Variants in SNX13 observed in about 807,000 individuals in gnomAD.
SNX13 encodes sorting nexin-13.
In SNX13, 45 loss-of-function variants were observed where a neutral mutation model predicts 133.6. The ratio of observed to expected loss-of-function variants is 0.34; its 90% CI spans 0.27 to 0.43. The LOEUF is 0.43. Among genes scored for constraint, SNX13 ranks in the 20% least tolerant of loss-of-function variants. The probability of loss-of-function intolerance (pLI) is 1.00; values close to 1 mark genes in which losing one functional copy is unlikely to be tolerated. For missense variants in SNX13, 1,032 were observed against 1,145.1 expected (o/e 0.90, Z 1.43); for synonymous variants, 414 against 373.9 (o/e 1.11, Z -1.24).
chr7:17,899,069 C>G (rs1214895627), intron 1 of SNX13: 1 of 152,172 alleles, frequency 6.6e-6, no homozygotes, highest in African/African-American at 2.4e-5. Context: ...GAATAAAGTA[C>G]AGAGACACTC....
intron 1 of SNX13, among the ~76,000 whole-genome samples, chr7:17,902,809 G>C (rs889118618): frequency 2.6e-5 from 4 of 152,142 alleles, no homozygotes; most frequent in Non-Finnish European, 4.4e-5. Flanking sequence ...AGCATGCCGC[G>C]AGCATTAGCA....
intron 5 of SNX13, among the ~76,000 whole-genome samples, 179 bp from the exon 6 acceptor site, chr7:17,875,969 C>T (rs984543880): frequency 2.0e-5 from 3 of 152,214 alleles, no homozygotes; most frequent in Non-Finnish European, 4.4e-5. Flanking sequence ...ATCAAATCTA[C>T]TTCACTAAGT....
At chr7:17,801,018 A>ATATATATATATATATG (rs1562652006) in intron 22 of SNX13, among the ~76,000 whole-genome samples, 3 of 11,738 alleles carry the variant, frequency 2.6e-4, no homozygotes, top group African/African-American at 6.4e-4. Context: ...ACATATATAT[A>ATATATATATATATATG]TATATATATA....
chr7:17,839,070 A>C (rs1789531321), intron 13 of SNX13, among the ~76,000 whole-genome samples: 1 of 149,794 alleles, frequency 6.7e-6, no homozygotes, highest in African/African-American at 2.4e-5. Context: ...ATTAGAATAC[A>C]TGTATGCTAT....
chr7:17,875,707 G>C lies in SNX13; in HGVS notation c.524C>G (p.Ala175Gly), dbSNP rs1794652857. Residue 175 changes from alanine (A) to glycine (G), a missense_variant, in exon 6 of 26, where the codon GCT (alanine) becomes GGT (glycine). Transcript: ENST00000428135. ...FGTHLRVFRK[A>G]QQKITEKDDQ... is the part of the protein sequence containing the mutation. ...ATCTTTCTCTGTTATTTTCTGTTGA[G>C]CCTTTCTGAATACTCGTAAGTGTGT... is the stretch of plus-strand genomic sequence containing the variant. 2 of 1,611,582 alleles carry C rather than the reference G, an allele frequency of 1.2e-6. No individual in the cohort carries two copies. The highest frequency in any genetic ancestry group is 2.2e-5 in the South Asian group (2 of 90,826).
intron 25 of SNX13, chr7:17,795,898 T>A (rs1477859704): frequency 6.6e-6 from 1 of 151,764 alleles, no homozygotes; most frequent in African/African-American, 2.4e-5. Flanking sequence ...TAGGTAAGAA[T>A]TAAAATTGTG....
intron 1 of SNX13, among the ~76,000 whole-genome samples, chr7:17,902,946 G>A (rs1267035600): frequency 6.6e-6 from 1 of 152,152 alleles, no homozygotes; most frequent in Non-Finnish European, 1.5e-5. Flanking sequence ...ACTAATGCCT[G>A]ATGATCTGAG....
At chr7:17,837,197 A>C (rs573331084) in intron 13 of SNX13, among the ~76,000 whole-genome samples, 1 of 152,146 alleles carries the variant, frequency 6.6e-6, no homozygotes, top group Admixed American at 6.6e-5. Flanking sequence ...GCGCAATCAT[A>C]TGATCACGGT....
Position 17,803,468 on chromosome 7 carries a change from C to T in SNX13, c.2177G>A (p.Gly726Asp), listed in dbSNP as rs1784857776. The change falls in exon 21 of 26, where the codon GGC becomes GAC. Residue 726 changes from glycine (G) to aspartate (D), a missense_variant. Coordinates refer to ENST00000428135, the MANE Select transcript of SNX13 (RefSeq NM_015132.5). ...TTGACCTAATCTTTCTGACATTTTG[C>T]CCATGTTGTCTGACATTTTAGTCAT... ...EGMTKMSDNM[G>D]KMSERLGQDI... 6.2e-7 allele frequency: 1 copy of T among 1,612,224 alleles called. No individual in the cohort carries two copies. Among genetic ancestry groups the T allele is most frequent in the East Asian group, 2.2e-5 (1 of 44,816 alleles).
At position 17,826,017 on chromosome 7, in the gene SNX13, C is replaced by T; in HGVS notation, c.1705+5G>A. 6.6e-7 allele frequency: 1 copy of T among 1,521,840 alleles called. No homozygotes were observed. Among genetic ancestry groups the T allele is most frequent in the Non-Finnish European group, 8.9e-7 (1 of 1,124,762 alleles). 94.3% of individuals were successfully genotyped at this position (1,521,840 alleles called of 1,614,324 possible). A position where few individuals can be genotyped will look rare whatever the true frequency, so the allele number is the denominator to read the frequency against. On this transcript the variant is annotated splice_donor_5th_base_variant and intron_variant, in intron 17 of 25. Transcript: ENST00000428135. ...ATGCAATAATTATACTTCAAACTCT[C>T]TTACCTGTGTCTGAAATGTAGGCAT...
intron 1 of SNX13, among the ~76,000 whole-genome samples, chr7:17,912,269 G>T (rs1050452779): frequency 6.6e-6 from 1 of 152,116 alleles, no homozygotes; most frequent in Admixed American, 6.5e-5. Context: ...TTCCACTGGG[G>T]ATCTGTGCAA....
chr7:17,848,055 T>C (rs1790758130), intron 11 of SNX13, among the ~76,000 whole-genome samples: 1 of 152,120 alleles, frequency 6.6e-6, no homozygotes, highest in Non-Finnish European at 1.5e-5. Flanking sequence ...CCTGCTCGAA[T>C]GTTGCCTTTT....
In SNX13 at chr7:17,931,005, A is replaced by T. The variant is rs538779789; in HGVS notation, c.12+9279T>A. ...TCCGTGGAAAAACTGTCTTCCACAA[A>T]ACCGGTCCCTTGGTGCCAAAAAGGC... On this transcript the variant is annotated intron_variant, in intron 1 of 25. Transcript: ENST00000428135. 1.6e-4 allele frequency among the ~76,000 whole-genome samples: 24 copies of T among 152,180 alleles called. 1 individual carries two copies. Among genetic ancestry groups the T allele is most frequent in the Non-Finnish European group, 3.4e-4 (23 of 68,026 alleles).
intron 11 of SNX13, among the ~76,000 whole-genome samples, chr7:17,847,974 G>A (rs1336398954): frequency 2.6e-5 from 4 of 152,090 alleles, no homozygotes; most frequent in African/African-American, 9.7e-5. Flanking sequence ...GTGGTCCCTG[G>A]CGAAACACCA....
intron 9 of SNX13, among the ~76,000 whole-genome samples, chr7:17,852,104 G>A (rs753951979): frequency 6.6e-6 from 1 of 152,212 alleles, no homozygotes; most frequent in Non-Finnish European, 1.5e-5. Flanking sequence ...ATGACGGCCA[G>A]GTGCAGTGCT....
At chr7:17,827,301 C>T (rs1439829349) in intron 16 of SNX13, among the ~76,000 whole-genome samples, 1 of 151,874 alleles carries the variant, frequency 6.6e-6, no homozygotes, top group Non-Finnish European at 1.5e-5. Context: ...ACATGTTTCA[C>T]GTATTTATAT....
In SNX13 at chr7:17,793,929, A is replaced by G; in HGVS notation, c.*116T>C. The G allele has an allele frequency of 3.5e-6, 4 of 1,132,750 alleles. No individual in the cohort carries two copies. Among genetic ancestry groups the G allele is most frequent in the Non-Finnish European group, 5.0e-6 (4 of 804,930 alleles). The allele number at this position is 1,132,750 out of a possible 1,614,324, so 70.2% of individuals were successfully genotyped here. A position where few individuals can be genotyped will look rare whatever the true frequency, so the allele number is the denominator to read the frequency against. Reference sequence around the variant, plus strand: ...AGACTTATGGATGTATTAATAATCTATTTTGAGACACTAAAAGACTGGTGC... The same window carrying G: ...AGACTTATGGATGTATTAATAATCTGTTTTGAGACACTAAAAGACTGGTGC... On this transcript the variant is annotated 3_prime_UTR_variant, in exon 26 of 26. Coordinates refer to ENST00000428135, the MANE Select transcript of SNX13 (RefSeq NM_015132.5).
intron 9 of SNX13, among the ~76,000 whole-genome samples, chr7:17,853,676 G>GCTCA (rs528301696): frequency 2.0e-5 from 3 of 152,350 alleles, no homozygotes; most frequent in African/African-American, 7.2e-5. Flanking sequence ...AGGCACAGTG[G>GCTCA]CTCACGCCTG....
At chr7:17,808,487 C>T (rs1026794793) in intron 20 of SNX13, among the ~76,000 whole-genome samples, 1 of 152,158 alleles carries the variant, frequency 6.6e-6, no homozygotes, top group African/African-American at 2.4e-5. Context: ...GATTGCTGTA[C>T]CTGAAAGTGA....
Sources: allele counts gnomAD v4.1 joint callset (sites outside exome capture counted in the v4.1 genomes callset), GRCh38; gene constraint gnomAD v4.1.1; transcripts MANE v1.5; gene names NCBI Gene and HGNC (gene_info 2026-07-23, HGNC 2026-07-21).